Variants in FA2H observed in about 807,000 individuals in gnomAD.
The protein encoded by FA2H is fatty acid alpha-hydroxylase.
Under a neutral mutation model 44.9 loss-of-function variants are expected in FA2H, and 22 were observed. That is an observed-to-expected ratio of 0.49 (90% confidence interval 0.35 to 0.70). The LOEUF (loss-of-function observed/expected upper bound fraction) is 0.70, where lower values mean the gene tolerates loss of function less well. FA2H is among the 30% of genes least tolerant of loss of function. The probability of loss-of-function intolerance (pLI) is 0.01; values close to 1 mark genes in which losing one functional copy is unlikely to be tolerated. For synonymous variants in FA2H, 243 were observed against 213.2 expected, an observed-to-expected ratio of 1.14 and a Z score of -1.22; for missense variants, 501 against 504.9, an observed-to-expected ratio of 0.99 and a Z score of 0.07.
At chr16:74,742,148 G>T (rs1962325541) in intron 1 of FA2H, among the ~76,000 whole-genome samples, 1 of 152,068 alleles carries the variant, frequency 6.6e-6, no homozygotes, top group East Asian at 1.9e-4. Flanking sequence ...CATTTCCCCA[G>T]TGGGTCGTGT....
intron 1 of FA2H, among the ~76,000 whole-genome samples, chr16:74,746,801 G>A (rs1391310739): frequency 6.6e-6 from 1 of 152,118 alleles, no homozygotes; most frequent in East Asian, 1.9e-4. Context: ...GGGAGCCTGG[G>A]CTATATAGCT....
intron 1 of FA2H, among the ~76,000 whole-genome samples, chr16:74,771,390 C>T (rs953875801): frequency 1.3e-5 from 2 of 151,750 alleles, no homozygotes; most frequent in African/African-American, 2.4e-5. Context: ...AAGATTTTAC[C>T]GTGTTGCCCA....
chr16:74,713,450 A>T lies in FA2H; in HGVS notation c.*740T>A, dbSNP rs1961620677. 6.6e-6 allele frequency: 1 copy of T among 151,074 alleles called. No individual in the cohort carries two copies. The highest frequency in any genetic ancestry group is 1.5e-5 in the Non-Finnish European group (1 of 67,792). 9.4% of individuals were successfully genotyped at this position (151,074 alleles called of 1,614,324 possible). A position where few individuals can be genotyped will look rare whatever the true frequency, so the allele number is the denominator to read the frequency against. ...AGCGGGGTGGAGGCCAAGAATGGCC[A>T]GGGACGGGGTGGGGCTGCCACTGGT... On this transcript the variant is annotated 3_prime_UTR_variant, in exon 7 of 7. Coordinates refer to ENST00000219368, the MANE Select transcript of FA2H (RefSeq NM_024306.5).
intron 2 of FA2H, among the ~76,000 whole-genome samples, chr16:74,735,342 C>G (rs1206915761): frequency 6.6e-6 from 1 of 152,166 alleles, no homozygotes; most frequent in Non-Finnish European, 1.5e-5. Context: ...CGCGGTCTAA[C>G]TGGGACAAGC....
At chr16:74,731,394 T>G (rs1962069265) in intron 2 of FA2H, among the ~76,000 whole-genome samples, 1 of 152,050 alleles carries the variant, frequency 6.6e-6, no homozygotes, top group South Asian at 2.1e-4. Flanking sequence ...TCTACCCGCT[T>G]CCACCTCCCA....
chr16:74,737,929 C>A (rs1393806501), intron 2 of FA2H, among the ~76,000 whole-genome samples: 1 of 152,270 alleles, frequency 6.6e-6, no homozygotes, highest in Non-Finnish European at 1.5e-5. Flanking sequence ...TCTGTTCCCA[C>A]TAACGGAGCT....
At chr16:74,741,938 G>A (rs1164491927) in intron 1 of FA2H, among the ~76,000 whole-genome samples, 5 of 150,226 alleles carry the variant, frequency 3.3e-5, no homozygotes, top group East Asian at 1.9e-4. Flanking sequence ...CATCATACAT[G>A]GAAATGCCTT....
At chr16:74,716,658 A>T (rs57844314) in intron 5 of FA2H, 59 bp from the exon 6 acceptor site, 3 of 1,503,012 alleles carry the variant, frequency 2.0e-6, no homozygotes, top group East Asian at 4.9e-5. Context: ...AGCTGGCCAA[A>T]CCCTGGCCAC....
At chr16:74,729,171 C>T (rs12597324) in intron 2 of FA2H, among the ~76,000 whole-genome samples, 14,584 of 152,082 alleles carry the variant, frequency 0.096, 792 homozygotes, top group East Asian at 0.21. Context: ...CCACCTCGCC[C>T]GCTAATTTTT....
In FA2H at chr16:74,724,650, G is replaced by A. The variant is rs566231413; in HGVS notation, c.613+1575C>T. Among the ~76,000 whole-genome samples, 10 of 152,298 alleles carry A rather than the reference G, an allele frequency of 6.6e-5. No individual in the cohort carries two copies. The South Asian group carries it at 1.7e-3, about 25-fold the overall frequency. ...ACAAGCTGGGGGCTGAGGGAGGCAC[G>A]TGGAGACGTTATCTCTCATGCCCCC... is the stretch of plus-strand genomic sequence containing the variant. On this transcript the variant is annotated intron_variant, in intron 4 of 6. Coordinates refer to ENST00000219368, the MANE Select transcript of FA2H (RefSeq NM_024306.5).
At chr16:74,726,536 G>A (rs973292369) in intron 3 of FA2H, among the ~76,000 whole-genome samples, 9 of 152,182 alleles carry the variant, frequency 5.9e-5, no homozygotes, top group Admixed American at 6.5e-5. Context: ...TTACAGGCAT[G>A]TGCCACCACA....
intron 1 of FA2H, among the ~76,000 whole-genome samples, chr16:74,756,714 T>A (rs1962618717): frequency 6.6e-6 from 1 of 152,172 alleles, no homozygotes; most frequent in African/African-American, 2.4e-5. Flanking sequence ...ATGACTGATA[T>A]GTGAAAAGAG....
chr16:74,766,847 C>T (rs907507582), intron 1 of FA2H, among the ~76,000 whole-genome samples: 1 of 152,126 alleles, frequency 6.6e-6, no homozygotes, highest in Non-Finnish European at 1.5e-5. Flanking sequence ...GCATGATGCC[C>T]ATATAAACAT....
At chr16:74,733,149 G>A (rs953039255) in intron 2 of FA2H, among the ~76,000 whole-genome samples, 44 of 152,318 alleles carry the variant, frequency 2.9e-4, no homozygotes, top group Admixed American at 1.7e-3. Context: ...TGGGTGCCCA[G>A]GGAAGGTGCC....
intron 1 of FA2H, among the ~76,000 whole-genome samples, chr16:74,768,244 A>G (rs1389425060): frequency 2.0e-5 from 3 of 152,174 alleles, no homozygotes; most frequent in Non-Finnish European, 4.4e-5. Flanking sequence ...AGAGAATCCT[A>G]ATTTTTGACC....
intron 2 of FA2H, among the ~76,000 whole-genome samples, chr16:74,731,897 G>C (rs1962077504): frequency 2.0e-5 from 3 of 152,038 alleles, no homozygotes; most frequent in African/African-American, 7.2e-5. Context: ...TTTTGAGACA[G>C]GGACTTGCTC....
rs1162930526 is a variant in FA2H, at chr16:74,727,386, C to T, written c.364G>A (p.Asp122Asn). Residue 122 changes from aspartate (D) to asparagine (N), a missense_variant and splice_region_variant, in exon 3 of 7, where the codon GAC becomes AAC. Coordinates refer to ENST00000219368, the MANE Select transcript of FA2H (RefSeq NM_024306.5). ...AGAGGCTTTCGCCAGTCCACCAGGT[C>T]CTGCAAGAGATGAAGCCAAGTGGAC... The part of the protein sequence containing the change: ...PRFKVVDWDK[D>N]LVDWRKPLLW... The T allele has an allele frequency of 1.2e-6, 2 of 1,614,224 alleles. No homozygotes were observed. Among genetic ancestry groups the T allele is most frequent in the Non-Finnish European group, 1.7e-6 (2 of 1,180,044 alleles).
At chr16:74,755,155 T>C (rs1181824352) in intron 1 of FA2H, among the ~76,000 whole-genome samples, 1 of 75,140 alleles carries the variant, frequency 1.3e-5, no homozygotes, top group Non-Finnish European at 3.1e-5. Flanking sequence ...GAGAATACAT[T>C]TGTGTTTTTT....
At chr16:74,725,812 C>T in intron 4 of FA2H, 1 of 313,920 alleles carries the variant, frequency 3.2e-6, no homozygotes, top group South Asian at 2.9e-5. Context: ...CCCAAGTTCT[C>T]TGCTAATCTG....
Sources: gnomAD v4.1 joint callset for allele counts (sites outside exome capture counted in the v4.1 genomes callset) on GRCh38, gnomAD v4.1.1 for gene constraint, MANE v1.5 for transcripts, NCBI Gene and HGNC (gene_info 2026-07-23, HGNC 2026-07-21) for gene names.